GPM6A: variants seen among roughly 807,000 people sequenced by gnomAD.
GPM6A encodes neuronal membrane glycoprotein M6-a.
Under a neutral mutation model 32.1 loss-of-function variants are expected in GPM6A, and 7 were observed. That is an observed-to-expected ratio of 0.22 (90% confidence interval 0.12 to 0.41). The LOEUF is 0.41. GPM6A is among the 10% of genes least tolerant of loss of function. GPM6A has a pLI of 1.00. For synonymous variants in GPM6A, 130 were observed against 123.4 expected (o/e 1.05, Z -0.35); for missense variants, 235 against 347.2 (o/e 0.68, Z 2.57).
At chr4:175,948,119 A>G (rs765586977) in intron 1 of GPM6A, among the ~76,000 whole-genome samples, 14 of 152,178 alleles carry the variant, frequency 9.2e-5, no homozygotes, top group Non-Finnish European at 1.9e-4. Flanking sequence ...TTGCAGCTTA[A>G]TAAGTGCTAC....
At chr4:175,780,959 TGTG>T (rs1733591801) in intron 1 of GPM6A, among the ~76,000 whole-genome samples, 1 of 151,988 alleles carries the variant, frequency 6.6e-6, no homozygotes, top group African/African-American at 2.4e-5. Flanking sequence ...AAGATAAACT[TGTG>T]GTGGAGGAAT....
At chr4:175,973,055 C>T (rs1429493343) in intron 1 of GPM6A, among the ~76,000 whole-genome samples, 3 of 152,054 alleles carry the variant, frequency 2.0e-5, no homozygotes, top group African/African-American at 4.8e-5. Flanking sequence ...AGTGAACACC[C>T]ACCTGAAAAG....
At chr4:175,670,707 CAGAT>C (rs1440715158) in intron 3 of GPM6A, among the ~76,000 whole-genome samples, 1 of 151,986 alleles carries the variant, frequency 6.6e-6, no homozygotes, top group Non-Finnish European at 1.5e-5. Context: ...TTTTGAATGA[CAGAT>C]AGCATTAAAA....
intron 1 of GPM6A, among the ~76,000 whole-genome samples, chr4:175,952,314 T>C (rs994973633): frequency 6.6e-6 from 1 of 152,256 alleles, no homozygotes; most frequent in Non-Finnish European, 1.5e-5. Context: ...AGTTCGTTTC[T>C]ATGTACACTT....
At chr4:175,886,052 T>TAG (rs1737444439) in intron 1 of GPM6A, among the ~76,000 whole-genome samples, 1 of 152,102 alleles carries the variant, frequency 6.6e-6, no homozygotes, top group Non-Finnish European at 1.5e-5. Context: ...TATATATAGC[T>TAG]AGCAGAAGTT....
At chr4:175,795,983 T>G (rs1211249639) in intron 1 of GPM6A, 1 of 152,220 alleles carries the variant, frequency 6.6e-6, no homozygotes, top group African/African-American at 2.4e-5. Flanking sequence ...CATATGAGAC[T>G]GCAGCTGTAA....
intron 3 of GPM6A, among the ~76,000 whole-genome samples, chr4:175,658,980 A>G (rs1010913618): frequency 2.6e-5 from 4 of 152,194 alleles, no homozygotes; most frequent in African/African-American, 9.7e-5. Context: ...GCTACAGAGA[A>G]TCTTCAGGCA....
intron 1 of GPM6A, among the ~76,000 whole-genome samples, chr4:175,711,449 TATATATATAC>T (rs1298968848): frequency 0.091 from 4,477 of 49,124 alleles, 530 homozygotes; most frequent in Non-Finnish European, 0.15. Context: ...TATATATATA[TATATATATAC>T]ACACACATAC....
chr4:175,794,624 T>G lies in GPM6A; in HGVS notation c.37+17567A>C, dbSNP rs538013712. On this transcript the variant is annotated intron_variant, in intron 1 of 6. Transcript: ENST00000393658. ...AAGGAGCTGCATGTCATTATAGAAA[T>G]GTACTGGAACCTGGGGAATTGCATG... Among the ~76,000 whole-genome samples the G allele has an allele frequency of 4.6e-5, 7 of 152,272 alleles. No individual in the cohort carries two copies. The South Asian group carries it at 1.4e-3, about 32-fold the overall frequency.
At chr4:175,818,490 C>T (rs758188602) in intron 1 of GPM6A, among the ~76,000 whole-genome samples, 2 of 152,146 alleles carry the variant, frequency 1.3e-5, no homozygotes, top group Non-Finnish European at 2.9e-5. Context: ...TGTATCTTCC[C>T]CCCTGGCCTG....
intron 1 of GPM6A, among the ~76,000 whole-genome samples, chr4:175,998,958 G>T (rs1389928322): frequency 2.0e-5 from 3 of 150,890 alleles, no homozygotes; most frequent in Non-Finnish European, 4.4e-5. Context: ...TGTCAATCCA[G>T]CTCCATGTCT....
chr4:175,823,005 C>T (rs1460995884), intron 1 of GPM6A, among the ~76,000 whole-genome samples: 2 of 152,126 alleles, frequency 1.3e-5, no homozygotes, highest in Non-Finnish European at 2.9e-5. Flanking sequence ...CTAACTGCAG[C>T]TAAAATGTTA....
chr4:175,769,892 G>A (rs1733118477), intron 1 of GPM6A, among the ~76,000 whole-genome samples: 1 of 152,120 alleles, frequency 6.6e-6, no homozygotes. Context: ...TCATCAAATG[G>A]CTAAATTCTA....
At chr4:175,895,546 G>T (rs2111482641) in intron 1 of GPM6A, among the ~76,000 whole-genome samples, 1 of 152,210 alleles carries the variant, frequency 6.6e-6, no homozygotes. Flanking sequence ...CTACAGGTAT[G>T]TATATCACCA....
chr4:175,812,725 C>T, upstream of GPM6A: 23 of 985,554 alleles, frequency 2.3e-5, no homozygotes, highest in Non-Finnish European at 2.7e-5. Flanking sequence ...GACCACCAAC[C>T]CGTAATTCCC....
At chr4:175,935,935 A>G (rs1739205104) in intron 1 of GPM6A, among the ~76,000 whole-genome samples, 1 of 152,094 alleles carries the variant, frequency 6.6e-6, no homozygotes, top group African/African-American at 2.4e-5. Context: ...GAGTTTTAAA[A>G]TCAATGAACC....
rs1316865664 is a variant in GPM6A, at chr4:175,900,291, G to A, written c.-22-88042C>T. Among the ~76,000 whole-genome samples, 3 of 108,304 alleles carry A rather than the reference G, an allele frequency of 2.8e-5. No individual in the cohort carries two copies. In the Admixed American group the frequency reaches 3.1e-4, roughly 11 times the overall value. The allele number at this position is 108,304 out of a possible 152,430, so 71.1% of individuals were successfully genotyped here. A position where few individuals can be genotyped will look rare whatever the true frequency, so the allele number is the denominator to read the frequency against. On this transcript the variant is annotated intron_variant, in intron 1 of 7. Transcript: ENST00000280187. ...TCTGTCTTAAAAAAAAAAAAAGAGA[G>A]AAGAAAAGAAAAGAAGGAAAGGAAA...
intron 1 of GPM6A, among the ~76,000 whole-genome samples, chr4:175,936,074 G>A (rs1049338002): frequency 6.6e-6 from 1 of 151,574 alleles, no homozygotes; most frequent in Non-Finnish European, 1.5e-5. Context: ...GGGAGGCCGA[G>A]GGGGGTGGAT....
chr4:175,687,039 A>G (rs1301433903), intron 2 of GPM6A, among the ~76,000 whole-genome samples: 1 of 152,230 alleles, frequency 6.6e-6, no homozygotes, highest in Non-Finnish European at 1.5e-5. Flanking sequence ...GATATATTGA[A>G]GTTGATGTTT....
Sources: gnomAD v4.1 joint callset for allele counts (sites outside exome capture counted in the v4.1 genomes callset) on GRCh38, gnomAD v4.1.1 for gene constraint, MANE v1.5 for transcripts, NCBI Gene and HGNC (gene_info 2026-07-23, HGNC 2026-07-21) for gene names.